STK32B: variants seen among roughly 807,000 people sequenced by gnomAD.
The protein encoded by STK32B is serine/threonine-protein kinase 32B.
A neutral mutation model predicts 52.6 loss-of-function variants in STK32B; 43 were observed. That is an observed-to-expected ratio of 0.82 (90% CI 0.64 to 1.05). STK32B has a LOEUF of 1.05. Ranked by LOEUF, STK32B falls within the 50% of genes least tolerant of loss-of-function variation. The pLI is 0.00. For missense variants in STK32B, 621 were observed against 534.6 expected, an observed-to-expected ratio of 1.16 and a Z score of -1.59; for synonymous variants, 238 against 204.3, an observed-to-expected ratio of 1.17 and a Z score of -1.41.
rs1040415680 is a variant in STK32B at position 5,400,229 on chromosome 4, C to A, written c.472+1985C>A. On this transcript the variant is annotated intron_variant, in intron 5 of 11. Coordinates refer to ENST00000282908, the MANE Select transcript of STK32B (RefSeq NM_018401.3). The surrounding 1 kb of genome is among the most constrained non-coding windows in gnomAD (Gnocchi z 6.1). ...CTGCTGCACAAAAGATATAGGCAGG[C>A]GGGCTGCTCCCAGGCAGCCTCCCCT... is the stretch of plus-strand genomic sequence containing the variant. Among the ~76,000 whole-genome samples, 1 of 152,040 alleles carries A rather than the reference C, an allele frequency of 6.6e-6. No homozygotes were observed. Among genetic ancestry groups the A allele is most frequent in the Non-Finnish European group, 1.5e-5 (1 of 68,006 alleles).
chr4:5,298,986 C>A (rs1009188833), intron 3 of STK32B, among the ~76,000 whole-genome samples: 2 of 152,108 alleles, frequency 1.3e-5, no homozygotes, highest in African/African-American at 4.8e-5. Context: ...AGCATAGTAT[C>A]TGGGCCAGAT....
At chr4:5,317,721 T>C (rs955934766) in intron 3 of STK32B, among the ~76,000 whole-genome samples, 1 of 150,392 alleles carries the variant, frequency 6.6e-6, no homozygotes, top group African/African-American at 2.5e-5. Flanking sequence ...TTGGGAGGCT[T>C]CTTGGAGAAG....
rs989241750 is a variant in STK32B at position 5,400,125 on chromosome 4, G to A, written c.472+1881G>A. On this transcript the variant is annotated intron_variant, in intron 5 of 11. Coordinates refer to ENST00000282908, the MANE Select transcript of STK32B (RefSeq NM_018401.3). The surrounding 1 kb of genome is among the most constrained non-coding windows in gnomAD (Gnocchi z 6.1). ...CTGATGAGGAAAAGTGACACAGAGA[G>A]TATGGGGGTAACCCAGGACTGCCTG... is the stretch of plus-strand genomic sequence containing the variant. Among the ~76,000 whole-genome samples the A allele has an allele frequency of 4.6e-5, 7 of 151,866 alleles. No individual in the cohort carries two copies.
At chr4:5,182,072 G>A (rs1720407093) in intron 3 of STK32B, among the ~76,000 whole-genome samples, 1 of 152,174 alleles carries the variant, frequency 6.6e-6, no homozygotes, top group African/African-American at 2.4e-5. Flanking sequence ...ATCTTCATAT[G>A]GAGCAGCTTC....
chr4:5,340,804 G>A (rs1765327716), intron 4 of STK32B, among the ~76,000 whole-genome samples: 1 of 152,160 alleles, frequency 6.6e-6, no homozygotes, highest in African/African-American at 2.4e-5. Flanking sequence ...TGGGGTATAT[G>A]CATGTGTATG....
At chr4:5,364,668 G>T (rs1044429490) in intron 4 of STK32B, among the ~76,000 whole-genome samples, 4 of 152,256 alleles carry the variant, frequency 2.6e-5, no homozygotes, top group African/African-American at 4.8e-5. Flanking sequence ...CCCAGGGACA[G>T]CCCCTCTAGA....
Position 5,421,436 on chromosome 4 carries a change from G to C in STK32B, c.562+4502G>C, listed in dbSNP as rs182739378. The stretch of plus-strand genomic sequence containing the variant: ...GACAAGGTTTTACCACGTTGGCCAG[G>C]CTGGTCTTGAACTCCTGACATCAGG... On this transcript the variant is annotated intron_variant, in intron 6 of 11. Transcript: ENST00000282908. Among the ~76,000 whole-genome samples the C allele has an allele frequency of 3.3e-5, 5 of 151,674 alleles. No homozygotes were observed. In the East Asian group the frequency reaches 9.8e-4, roughly 30 times the overall value.
At chr4:5,165,629 T>C (rs973889537) in intron 2 of STK32B, among the ~76,000 whole-genome samples, 1 of 152,086 alleles carries the variant, frequency 6.6e-6, no homozygotes. Flanking sequence ...AGTGGGATTA[T>C]CCTCCCACGA....
chr4:5,498,885 C>A, intron 11 of STK32B, 60 bp from the exon 12 acceptor site: 1 of 1,536,470 alleles, frequency 6.5e-7, no homozygotes, highest in East Asian at 2.4e-5. Flanking sequence ...AGTGTGTCTC[C>A]TGGATGTGCC....
chr4:5,123,431 C>T (rs148641266), intron 1 of STK32B, among the ~76,000 whole-genome samples: 126 of 152,304 alleles, frequency 8.3e-4, no homozygotes, highest in African/African-American at 2.8e-3. Context: ...TTTCCAATCA[C>T]AATGCTAGCA....
At chr4:5,039,283 G>A in the STK32B span, among the ~76,000 whole-genome samples, 4 of 152,266 alleles carry the variant, frequency 2.6e-5, no homozygotes, top group South Asian at 8.3e-4. Context: ...ACAGGCACGA[G>A]GCACCACACT....
rs1719816352 is a variant in STK32B at position 5,175,692 on chromosome 4, TGAGGTGTC to T, written c.260+7243_260+7250del. On this transcript the variant is annotated intron_variant, in intron 3 of 11. Transcript: ENST00000282908. ...TGTCTCAGAGGAGTACCCGGCCGTG[TGAGGTGTC>T]AATCTGCCCCTACTGGGGGGTGCCT... is the stretch of plus-strand genomic sequence containing the variant. Among the ~76,000 whole-genome samples, 3 of 152,142 alleles carry T rather than the reference TGAGGTGTC, an allele frequency of 2.0e-5. No individual in the cohort carries two copies. The South Asian group carries it at 6.2e-4, about 32-fold the overall frequency.
chr4:5,059,334 T>G (rs1266471326), intron 1 of STK32B, among the ~76,000 whole-genome samples: 1 of 152,140 alleles, frequency 6.6e-6, no homozygotes, highest in African/African-American at 2.4e-5. Flanking sequence ...AAGTATTATA[T>G]TAGCTGCATT....
chr4:5,136,232 C>T (rs1716068539), intron 1 of STK32B, among the ~76,000 whole-genome samples: 1 of 152,224 alleles, frequency 6.6e-6, no homozygotes, highest in Non-Finnish European at 1.5e-5. Flanking sequence ...ATAATGCCGC[C>T]AATGTGTTGT....
chr4:5,389,013 A>C (rs1736428086), intron 4 of STK32B, among the ~76,000 whole-genome samples: 1 of 152,204 alleles, frequency 6.6e-6, no homozygotes, highest in Non-Finnish European at 1.5e-5. Flanking sequence ...AAAAATCAGC[A>C]ACCCCCAAGC....
chr4:5,367,216 G>C (rs901372556), intron 4 of STK32B, among the ~76,000 whole-genome samples: 2 of 152,194 alleles, frequency 1.3e-5, no homozygotes, highest in Non-Finnish European at 2.9e-5. Context: ...TCACCGTCCA[G>C]TGAAAGGTCG....
At chr4:5,056,751 C>G (rs1742021451) in intron 1 of STK32B, among the ~76,000 whole-genome samples, 1 of 152,174 alleles carries the variant, frequency 6.6e-6, no homozygotes, top group African/African-American at 2.4e-5. Context: ...ATTTGAGGCT[C>G]TAATTGGCTG....
intron 3 of STK32B, among the ~76,000 whole-genome samples, chr4:5,182,584 C>G (rs573657856): frequency 1.2e-4 from 18 of 152,190 alleles, no homozygotes; most frequent in African/African-American, 3.6e-4. Flanking sequence ...GCCTCAGCCT[C>G]CTGAGTAGCT....
chr4:5,336,328 T>TAA (rs1303622824), intron 4 of STK32B, among the ~76,000 whole-genome samples: 2 of 151,924 alleles, frequency 1.3e-5, no homozygotes, highest in South Asian at 2.1e-4. Flanking sequence ...TAGGTTATAG[T>TAA]AAACAAGCCC....
Sources: gnomAD v4.1 joint callset for allele counts (sites outside exome capture counted in the v4.1 genomes callset) on GRCh38, gnomAD v4.1.1 for gene constraint, Gnocchi (gnomAD v3.1) non-coding constraint, MANE v1.5 for transcripts, NCBI Gene and HGNC (gene_info 2026-07-23, HGNC 2026-07-21) for gene names.